Variants in TGFBRAP1 observed in about 807,000 individuals in gnomAD.
The protein encoded by TGFBRAP1 is transforming growth factor-beta receptor-associated protein 1.
In TGFBRAP1, 20 loss-of-function variants were observed where a neutral mutation model predicts 83.2. The ratio of observed to expected loss-of-function variants is 0.24; its 90% confidence interval spans 0.17 to 0.35. The LOEUF (loss-of-function observed/expected upper bound fraction) is 0.35, where lower values mean the gene tolerates loss of function less well. Ranked by LOEUF, TGFBRAP1 falls within the 10% of genes least tolerant of loss-of-function variation. The pLI is 1.00. For synonymous variants in TGFBRAP1, 415 were observed against 459.8 expected (o/e 0.90, Z 1.25); for missense variants, 950 against 1,099.4 (o/e 0.86, Z 1.92).
intron 1 of TGFBRAP1, among the ~76,000 whole-genome samples, chr2:105,329,394 C>T (rs13035172): frequency 0.17 from 25,810 of 151,620 alleles, 2,744 homozygotes; most frequent in Middle Eastern, 0.23. Context: ...CCGGCCCCCA[C>T]AAGGGACAGC....
In TGFBRAP1 at chr2:105,265,814, T is replaced by C. The variant is rs535344154; in HGVS notation, c.*1569A>G. 2 of 152,350 alleles carry C rather than the reference T, an allele frequency of 1.3e-5. No individual in the cohort carries two copies. The highest frequency in any genetic ancestry group is 4.8e-5 in the African/African-American group (2 of 41,578). The allele number at this position is 152,350 out of a possible 1,614,324, so 9.4% of individuals were successfully genotyped here. On this transcript the variant is annotated 3_prime_UTR_variant, in exon 12 of 12. Transcript: ENST00000393359. ...CCCCCAAACAACACATGGATGTTTT[T>C]GCTTCTTGACCCACTTAGAGTCCCA...
At chr2:105,308,402 T>C in intron 1 of TGFBRAP1, 84 bp from the exon 2 acceptor site, 2 of 1,292,548 alleles carry the variant, frequency 1.5e-6, no homozygotes, top group Admixed American at 2.8e-5. Flanking sequence ...GTGGATTCCC[T>C]AGTTGTCATT....
chr2:105,273,521 A>G (rs1466268411), intron 9 of TGFBRAP1, 23 bp downstream of exon 9: 5 of 1,612,880 alleles, frequency 3.1e-6, no homozygotes, highest in Non-Finnish European at 4.2e-6. Context: ...CACACTCTTT[A>G]GTCTAACTTC....
intron 8 of TGFBRAP1, among the ~76,000 whole-genome samples, chr2:105,274,506 C>G (rs1677271068): frequency 6.6e-6 from 1 of 152,194 alleles, no homozygotes; most frequent in East Asian, 1.9e-4. Context: ...CTAATGCCCA[C>G]TGAGGGGCTG....
intron 2 of TGFBRAP1, among the ~76,000 whole-genome samples, chr2:105,303,264 T>C (rs1159573602): frequency 6.6e-6 from 1 of 152,154 alleles, no homozygotes; most frequent in Non-Finnish European, 1.5e-5. Context: ...ACCTCGTTTC[T>C]AAAAGAATAA....
chr2:105,327,046 G>A (rs1326759562), intron 1 of TGFBRAP1, among the ~76,000 whole-genome samples: 3 of 151,974 alleles, frequency 2.0e-5, no homozygotes, highest in African/African-American at 4.8e-5. Flanking sequence ...CAAATTATTC[G>A]GCAGTATCCA....
intron 7 of TGFBRAP1, among the ~76,000 whole-genome samples, chr2:105,276,348 C>T (rs754853907): frequency 5.9e-5 from 9 of 152,118 alleles, no homozygotes; most frequent in Non-Finnish European, 7.4e-5. Context: ...GAAAGGATGA[C>T]GGTTGCGTGG....
rs935516914 is a variant in TGFBRAP1, at chr2:105,267,000, A to C, written c.*383T>G. On this transcript the variant is annotated 3_prime_UTR_variant, in exon 12 of 12. Transcript: ENST00000393359. Reference sequence around the variant, plus strand: ...AAGCCACGTTTCCAGTGCAAACATGAGTCTAAAGGTTGGAGTGTGGGGGTG... The same window carrying C: ...AAGCCACGTTTCCAGTGCAAACATGCGTCTAAAGGTTGGAGTGTGGGGGTG... 2.9e-5 allele frequency: 5 copies of C among 174,520 alleles called. No individual in the cohort carries two copies. The highest frequency in any genetic ancestry group is 1.1e-4 in the Admixed American group (2 of 17,406). 10.8% of individuals were successfully genotyped at this position (174,520 alleles called of 1,614,324 possible).
intron 2 of TGFBRAP1, among the ~76,000 whole-genome samples, chr2:105,306,057 TTTTG>T (rs144861327): frequency 0.036 from 4,407 of 120,868 alleles, 225 homozygotes; most frequent in African/African-American, 0.12. Context: ...GTTTTTTGTT[TTTTG>T]TTTTTTGTTT....
At chr2:105,326,434 C>T (rs1679228915) in intron 1 of TGFBRAP1, among the ~76,000 whole-genome samples, 1 of 152,188 alleles carries the variant, frequency 6.6e-6, no homozygotes, top group Non-Finnish European at 1.5e-5. Context: ...TTATCGAGTA[C>T]TGGCCAGGAG....
intron 1 of TGFBRAP1, among the ~76,000 whole-genome samples, chr2:105,325,299 G>C (rs1449096122): frequency 6.6e-6 from 1 of 152,108 alleles, no homozygotes; most frequent in Non-Finnish European, 1.5e-5. Flanking sequence ...CCCCAAAACT[G>C]GGTTTGGTGG....
At chr2:105,268,718 ACT>A (rs1304866188) in intron 11 of TGFBRAP1, among the ~76,000 whole-genome samples, 1 of 152,132 alleles carries the variant, frequency 6.6e-6, no homozygotes, top group Non-Finnish European at 1.5e-5. Context: ...TGGAAAGAAG[ACT>A]CTGCCAGCCA....
chr2:105,249,954 T>G, the TGFBRAP1 span, among the ~76,000 whole-genome samples: 1 of 152,166 alleles, frequency 6.6e-6, no homozygotes, highest in African/African-American at 2.4e-5. Context: ...TGTGTGCATG[T>G]GTGTGCGTGC....
rs1235975352 is a variant in TGFBRAP1, at chr2:105,307,934, G to A, written c.368C>T (p.Ala123Val). ...CCCACTCACAGGGTTCTCGTTCAGT[G>A]CAAACGTGGCTGCCCCCTTGATGCG... ...GARIKGAATF[A>V]LNENPVSGDP... Residue 123 changes from alanine (A) to valine (V), a missense_variant, in exon 2 of 12, where the codon GCA (alanine) becomes GTA (valine). Ala to Val is a moderately conservative substitution (Grantham distance 64). Transcript: ENST00000393359. 6.2e-7 allele frequency: 1 copy of A among 1,614,118 alleles called. No individual in the cohort carries two copies. Among genetic ancestry groups the A allele is most frequent in the Non-Finnish European group, 8.5e-7 (1 of 1,180,046 alleles).
At chr2:105,311,778 G>A (rs920302888) in intron 1 of TGFBRAP1, among the ~76,000 whole-genome samples, 4 of 151,534 alleles carry the variant, frequency 2.6e-5, no homozygotes, top group East Asian at 3.9e-4. Flanking sequence ...GCATGGTGGC[G>A]GGCACCTGTA....
rs145981402 is a variant in TGFBRAP1 at position 105,294,481 on chromosome 2, A to G, written c.1038+1875T>C. Among the ~76,000 whole-genome samples the G allele has an allele frequency of 3.0e-3, 453 of 152,268 alleles. 2 individuals carry two copies. The highest frequency in any genetic ancestry group is 0.011 in the African/African-American group (437 of 41,548). ...AAAAAGATCATTTCCATATAGTTGC[A>G]TGGATGATGGACTGCAATCACACAA... is the stretch of plus-strand genomic sequence containing the variant. On this transcript the variant is annotated intron_variant, in intron 4 of 11. Transcript: ENST00000393359.
chr2:105,256,480 C>G, the TGFBRAP1 span, among the ~76,000 whole-genome samples: 1 of 152,192 alleles, frequency 6.6e-6, no homozygotes, highest in African/African-American at 2.4e-5. Flanking sequence ...TTGTCCCACT[C>G]TGTTGTAACT....
chr2:105,279,364 C>A (rs1677452317), intron 6 of TGFBRAP1, among the ~76,000 whole-genome samples: 1 of 151,870 alleles, frequency 6.6e-6, no homozygotes, highest in Non-Finnish European at 1.5e-5. Context: ...CTCAAGCAAT[C>A]TTCCTGCTTC....
At chr2:105,301,262 T>C (rs1383084504) in intron 2 of TGFBRAP1, among the ~76,000 whole-genome samples, 1 of 151,050 alleles carries the variant, frequency 6.6e-6, no homozygotes, top group Non-Finnish European at 1.5e-5. Context: ...GAGATAAAAT[T>C]GAATGTATTC....
Sources: allele counts gnomAD v4.1 joint callset (sites outside exome capture counted in the v4.1 genomes callset), GRCh38; gene constraint gnomAD v4.1.1; transcripts MANE v1.5; gene names NCBI Gene and HGNC (gene_info 2026-07-23, HGNC 2026-07-21).